The following ANXA8 variants were observed in gnomAD, a reference collection of about 807,000 sequenced individuals.
The protein encoded by ANXA8 is annexin A8.
ANXA8 carries 9 observed loss-of-function variants against 26.8 expected under a neutral mutation model. That is an observed-to-expected ratio of 0.34 (90% CI 0.20 to 0.59). The LOEUF is 0.59. Ranked by LOEUF, ANXA8 falls within the 20% of genes least tolerant of loss-of-function variation. The pLI, the probability that ANXA8 is intolerant of heterozygous loss-of-function variation, is 0.84. For missense variants in ANXA8, 83 were observed against 238.5 expected (o/e 0.35, Z 4.29); for synonymous variants, 39 against 94.8 (o/e 0.41, Z 3.42).
chr10:47,733,221 C>CTTTCTT, the ANXA8 span, among the ~76,000 whole-genome samples: 2 of 58,256 alleles, frequency 3.4e-5, no homozygotes, highest in South Asian at 7.0e-4. Context: ...TTCTTTCTTT[C>CTTTCTT]TCTTTCTTTC....
the ANXA8 span, among the ~76,000 whole-genome samples, chr10:47,614,612 A>AT: frequency 1.6e-5 from 1 of 63,514 alleles, no homozygotes; most frequent in African/African-American, 4.5e-5. Flanking sequence ...AAGTTATCTT[A>AT]TTTCTCCTTA....
chr10:47,576,917 A>T, the ANXA8 span, among the ~76,000 whole-genome samples: 16 of 144,302 alleles, frequency 1.1e-4, no homozygotes, highest in East Asian at 1.4e-3. Context: ...TCAAAGCAGG[A>T]TAAACTCAAA....
chr10:47,776,725 G>A, the ANXA8 span, among the ~76,000 whole-genome samples: 5 of 152,026 alleles, frequency 3.3e-5, no homozygotes, highest in Admixed American at 6.5e-5. Flanking sequence ...CCACATGAGC[G>A]TAGAGGAGGT....
At chr10:47,948,631 A>G in the ANXA8 span, among the ~76,000 whole-genome samples, 1 of 149,688 alleles carries the variant, frequency 6.7e-6, no homozygotes, top group Non-Finnish European at 1.5e-5. Context: ...TCATGCAAGT[A>G]TATGGATCAC....
rs2132410731 is a variant in ANXA8 at position 47,477,102 on chromosome 10, C to T, written c.300G>A (p.Lys100=). The part of the protein sequence containing the change: ...LMYPPYRYEA[K]ELHDAMKGLG... ...TTACCTTCATGGCGTCATGCAGCTC[C>T]TTGGCTTCGTATCTGTATGGCGGGT... Residue 100 remains lysine (K), a synonymous_variant, in exon 4 of 12, where the codon AAG becomes AAA. Transcript: ENST00000585281. 10 of 1,592,912 alleles carry T rather than the reference C, an allele frequency of 6.3e-6. 2 individuals carry two copies. In the East Asian group the frequency reaches 2.1e-4, roughly 34 times the overall value.
the ANXA8 span, among the ~76,000 whole-genome samples, chr10:47,499,206 G>C: frequency 0.21 from 22,077 of 106,374 alleles, 602 homozygotes; most frequent in African/African-American, 0.36. Context: ...TAGCATCCAA[G>C]ATGGAATTGC....
chr10:47,667,167 TCTC>T, the ANXA8 span, among the ~76,000 whole-genome samples: 3 of 152,034 alleles, frequency 2.0e-5, no homozygotes, highest in Non-Finnish European at 4.4e-5. Flanking sequence ...TTCTGTTTCT[TCTC>T]CTCTTATGTC....
chr10:47,898,811 ATTTT>A, the ANXA8 span, among the ~76,000 whole-genome samples: 338 of 56,118 alleles, frequency 6.0e-3, no homozygotes, highest in African/African-American at 0.027. Context: ...AAGAGAATGG[ATTTT>A]TTTTTTTTTT....
the ANXA8 span, among the ~76,000 whole-genome samples, chr10:47,747,174 G>A: frequency 6.6e-6 from 1 of 151,590 alleles, no homozygotes; most frequent in Non-Finnish European, 1.5e-5. Flanking sequence ...GAGCATTTGG[G>A]CAGACGGCCA....
At chr10:47,486,278 A>T (rs1200476922), upstream of ANXA8, among the ~76,000 whole-genome samples, 4 of 150,464 alleles carry the variant, frequency 2.7e-5, no homozygotes, top group Non-Finnish European at 5.9e-5. Flanking sequence ...CTGGTCTGTT[A>T]TCTGCCCTGA....
At chr10:47,959,145 G>C in the ANXA8 span, among the ~76,000 whole-genome samples, 1 of 146,764 alleles carries the variant, frequency 6.8e-6, no homozygotes, top group African/African-American at 2.6e-5. Flanking sequence ...AGAGGGTAGG[G>C]GGAGAACATG....
chr10:47,733,187 T>TTCTTTCTTTCTTTCTCTCTCTCTCTCTC, the ANXA8 span, among the ~76,000 whole-genome samples: 3 of 94,220 alleles, frequency 3.2e-5, no homozygotes, highest in East Asian at 3.9e-4. Flanking sequence ...CTTTCTTTCT[T>TTCTTTCTTTCTTTCTCTCTCTCTCTCTC]TCTTTCTTTC....
chr10:47,699,977 G>C, the ANXA8 span, among the ~76,000 whole-genome samples: 2 of 151,906 alleles, frequency 1.3e-5, no homozygotes, highest in African/African-American at 4.8e-5. Flanking sequence ...CCTATATGAG[G>C]AAAAAATTTA....
At chr10:47,941,322 G>A in the ANXA8 span, among the ~76,000 whole-genome samples, 9 of 146,492 alleles carry the variant, frequency 6.1e-5, 2 homozygotes, top group Middle Eastern at 6.9e-3. Context: ...TGCTCTGAGC[G>A]TGGGGATGGT....
the ANXA8 span, among the ~76,000 whole-genome samples, chr10:47,673,754 T>C: frequency 6.6e-6 from 1 of 151,836 alleles, no homozygotes; most frequent in Non-Finnish European, 1.5e-5. Context: ...CCCATAATGC[T>C]GCCTCTAGTT....
the ANXA8 span, among the ~76,000 whole-genome samples, chr10:47,888,974 TA>T: frequency 4.8e-5 from 3 of 62,728 alleles, no homozygotes; most frequent in South Asian, 1.1e-3. Flanking sequence ...TCTTATAATA[TA>T]ATATATATGT....
At chr10:47,508,055 C>T in the ANXA8 span, among the ~76,000 whole-genome samples, 1 of 133,484 alleles carries the variant, frequency 7.5e-6, no homozygotes, top group Non-Finnish European at 1.6e-5. Flanking sequence ...CCACTATGCC[C>T]AGATAATTTT....
At chr10:47,660,031 A>G in the ANXA8 span, among the ~76,000 whole-genome samples, 1 of 147,676 alleles carries the variant, frequency 6.8e-6, no homozygotes, top group Non-Finnish European at 1.5e-5. Flanking sequence ...TTGGGATTAC[A>G]GTTGAGAGCC....
the ANXA8 span, among the ~76,000 whole-genome samples, chr10:47,717,792 G>A: frequency 2.8e-4 from 42 of 151,524 alleles, no homozygotes; most frequent in Middle Eastern, 3.4e-3. Flanking sequence ...GAGGTCAGGA[G>A]TTTGAGACCA....
Sources: gnomAD v4.1 joint callset for allele counts (sites outside exome capture counted in the v4.1 genomes callset) on GRCh38, gnomAD v4.1.1 for gene constraint, MANE v1.5 for transcripts, NCBI Gene and HGNC (gene_info 2026-07-23, HGNC 2026-07-21) for gene names.